CACNA1C: variants seen among roughly 807,000 people sequenced by gnomAD.
CACNA1C encodes the protein calcium voltage-gated channel subunit alpha1 C.
Under a neutral mutation model 229.0 loss-of-function variants are expected in CACNA1C, and 30 were observed. The observed-to-expected ratio is 0.13, with a 90% confidence interval of 0.10 to 0.18. The LOEUF (loss-of-function observed/expected upper bound fraction) is 0.18, where lower values mean the gene tolerates loss of function less well. Ranked by LOEUF, CACNA1C falls within the 10% of genes least tolerant of loss-of-function variation. CACNA1C has a pLI of 1.00. For synonymous variants in CACNA1C, 1,114 were observed against 1,132.5 expected (o/e 0.98, Z 0.33); for missense variants, 1,658 against 2,845.0 (o/e 0.58, Z 9.49).
intron 29 of CACNA1C, among the ~76,000 whole-genome samples, chr12:2,629,127 A>T (rs2088947894): frequency 6.6e-6 from 1 of 152,206 alleles, no homozygotes; most frequent in Non-Finnish European, 1.5e-5. Flanking sequence ...TCTCCAGCCG[A>T]CTAGAATAAA....
intron 1 of CACNA1C, among the ~76,000 whole-genome samples, chr12:2,104,570 C>G (rs891438859): frequency 6.6e-6 from 1 of 152,174 alleles, no homozygotes; most frequent in Non-Finnish European, 1.5e-5. Flanking sequence ...ATTTCTTTCT[C>G]TTGCCTGATT....
chr12:2,057,217 G>A (rs1331781525), intron 1 of CACNA1C, among the ~76,000 whole-genome samples: 2 of 152,226 alleles, frequency 1.3e-5, no homozygotes, highest in African/African-American at 4.8e-5. Context: ...GATCCAAGGA[G>A]CATACTGACT....
intron 3 of CACNA1C, among the ~76,000 whole-genome samples, chr12:2,241,441 C>G (rs1437015649): frequency 6.6e-6 from 1 of 152,068 alleles, no homozygotes; most frequent in Non-Finnish European, 1.5e-5. Context: ...CAGAGTGTGG[C>G]AAGCAGAGGA....
chr12:2,617,414 T>A (rs2081200247), intron 29 of CACNA1C, among the ~76,000 whole-genome samples: 1 of 152,206 alleles, frequency 6.6e-6, no homozygotes, highest in Non-Finnish European at 1.5e-5. Flanking sequence ...GTCGTCCTAG[T>A]GGCGAGCACC....
intron 5 of CACNA1C, among the ~76,000 whole-genome samples, chr12:2,460,717 G>A (rs1385183275): frequency 6.6e-6 from 1 of 152,146 alleles, no homozygotes; most frequent in Admixed American, 6.5e-5. Flanking sequence ...AAATATTTTC[G>A]CCATTAGAGA....
chr12:2,158,005 G>A (rs755054479), intron 3 of CACNA1C, among the ~76,000 whole-genome samples: 14 of 151,864 alleles, frequency 9.2e-5, no homozygotes, highest in Non-Finnish European at 2.1e-4. Flanking sequence ...AAGAAAGTAG[G>A]GCAAAAAATC....
At chr12:2,411,277 A>G (rs1380547818) in intron 3 of CACNA1C, among the ~76,000 whole-genome samples, 1 of 152,046 alleles carries the variant, frequency 6.6e-6, no homozygotes, top group African/African-American at 2.4e-5. Flanking sequence ...CCTTATATAG[A>G]CAGGAAAAGC....
intron 1 of CACNA1C, among the ~76,000 whole-genome samples, chr12:2,112,347 C>T (rs79878677): frequency 0.017 from 1,873 of 109,694 alleles, 16 homozygotes; most frequent in Middle Eastern, 0.089. Flanking sequence ...TCACGTTAGG[C>T]TTGGGATCTA....
intron 3 of CACNA1C, among the ~76,000 whole-genome samples, chr12:2,444,224 G>T (rs912096376): frequency 6.6e-6 from 1 of 152,180 alleles, no homozygotes; most frequent in Admixed American, 6.6e-5. Flanking sequence ...TTGGCTTGAA[G>T]GTCAGAAAGT....
chr12:2,633,577 T>C lies in CACNA1C; in HGVS notation c.3829-720T>C. ...TGATGGTGGTGTTGCTCTGTTCTTG[T>C]CTGTCTAATATTCCTTTTTAATCCC... On this transcript the variant is annotated intron_variant, in intron 29 of 46. Transcript: ENST00000399655. This position sits in a 1 kb window ranked among gnomAD's most constrained non-coding sequence, Gnocchi z 5.8. 1 of 1,013,504 alleles carries C rather than the reference T, an allele frequency of 9.9e-7. No homozygotes were observed. The highest frequency in any genetic ancestry group is 1.3e-5 in the South Asian group (1 of 78,908). 62.8% of individuals were successfully genotyped at this position (1,013,504 alleles called of 1,614,324 possible).
intron 1 of CACNA1C, among the ~76,000 whole-genome samples, chr12:1,975,098 T>C (rs1435759964): frequency 4.6e-5 from 7 of 152,202 alleles, no homozygotes; most frequent in Non-Finnish European, 8.8e-5. Flanking sequence ...AGCCTAGTGC[T>C]ACTTCCTGAT....
chr12:2,222,544 A>T (rs1279128027), intron 3 of CACNA1C: 2 of 152,172 alleles, frequency 1.3e-5, no homozygotes, highest in Non-Finnish European at 2.9e-5. Flanking sequence ...CAATGTAAAT[A>T]TTAATATTTC....
intron 3 of CACNA1C, among the ~76,000 whole-genome samples, chr12:2,202,013 C>T (rs923778430): frequency 2.6e-5 from 4 of 152,232 alleles, no homozygotes; most frequent in Non-Finnish European, 5.9e-5. Context: ...TCAGAAGATA[C>T]TGACCATTTA....
At chr12:2,235,277 C>T (rs966607544) in intron 3 of CACNA1C, among the ~76,000 whole-genome samples, 2 of 152,160 alleles carry the variant, frequency 1.3e-5, no homozygotes, top group African/African-American at 2.4e-5. Flanking sequence ...CTAATTAACT[C>T]AGTTGCTCTG....
At chr12:2,399,106 G>T (rs1311845016) in intron 3 of CACNA1C, among the ~76,000 whole-genome samples, 1 of 152,134 alleles carries the variant, frequency 6.6e-6, no homozygotes, top group Admixed American at 6.5e-5. Flanking sequence ...GTGGGAAGGG[G>T]AGCATGCAGG....
At chr12:2,535,537 A>T (rs76002846) in intron 9 of CACNA1C, among the ~76,000 whole-genome samples, 13 of 70,992 alleles carry the variant, frequency 1.8e-4, no homozygotes, top group Non-Finnish European at 2.7e-4. Context: ...CATCTCTATT[A>T]AAAAAAAAAA....
intron 3 of CACNA1C, among the ~76,000 whole-genome samples, chr12:2,422,502 G>C (rs1311751999): frequency 6.6e-6 from 1 of 151,972 alleles, no homozygotes; most frequent in Non-Finnish European, 1.5e-5. Flanking sequence ...GCCCTACAAG[G>C]ACCTGGGTAT....
chr12:2,004,412 C>G (rs1042503732), intron 1 of CACNA1C: 1 of 1,610,746 alleles, frequency 6.2e-7, no homozygotes, highest in Admixed American at 1.7e-5. Context: ...CACCAGGCCG[C>G]CTGCCGCCAC....
chr12:2,385,976 C>T (rs2098380395), intron 3 of CACNA1C, among the ~76,000 whole-genome samples: 1 of 152,180 alleles, frequency 6.6e-6, no homozygotes, highest in Non-Finnish European at 1.5e-5. Flanking sequence ...AAAAATTATA[C>T]AAACTTGTAA....
Sources: gnomAD v4.1 joint callset for allele counts (sites outside exome capture counted in the v4.1 genomes callset) on GRCh38, gnomAD v4.1.1 for gene constraint, Gnocchi (gnomAD v3.1) non-coding constraint, MANE v1.5 for transcripts, NCBI Gene and HGNC (gene_info 2026-07-23, HGNC 2026-07-21) for gene names.